TBL1X: variants seen among roughly 807,000 people sequenced by gnomAD.
TBL1X encodes F-box-like/WD repeat-containing protein TBL1X.
TBL1X carries 10 observed loss-of-function variants against 50.7 expected under a neutral mutation model. That is an observed-to-expected ratio of 0.20 (90% CI 0.12 to 0.33). The LOEUF (loss-of-function observed/expected upper bound fraction) is 0.33. Ranked by LOEUF, TBL1X falls within the 10% of genes least tolerant of loss-of-function variation. The probability of loss-of-function intolerance (pLI) is 1.00; values close to 1 mark genes in which losing one functional copy is unlikely to be tolerated. For synonymous variants in TBL1X, 190 were observed against 214.7 expected, an observed-to-expected ratio of 0.88 and a Z score of 1.01; for missense variants, 340 against 504.4, an observed-to-expected ratio of 0.67 and a Z score of 3.12.
intron 12 of TBL1X, among the ~76,000 whole-genome samples, chrX:9,697,919 A>G (rs1297761947): frequency 8.9e-6 from 1 of 111,923 alleles, no homozygotes; most frequent in East Asian, 2.8e-4. Flanking sequence ...CCCCGTTTCT[A>G]CAAAAAATAT....
intron 16 of TBL1X, 90 bp downstream of exon 16, chrX:9,711,866 G>A (rs1294572893): frequency 6.0e-5 from 60 of 1,005,888 alleles, no homozygotes; most frequent in Non-Finnish European, 7.1e-5. Flanking sequence ...GCAGTGCCCC[G>A]GAGGGAGTTG....
At chrX:9,632,041 C>G (rs1298150697) in intron 2 of TBL1X, among the ~76,000 whole-genome samples, 1 of 112,494 alleles carries the variant, frequency 8.9e-6, no homozygotes, top group Admixed American at 9.4e-5. Context: ...CCTTGCATAG[C>G]TTTTGACAAG....
intron 2 of TBL1X, among the ~76,000 whole-genome samples, chrX:9,583,122 T>C (rs955136877): frequency 8.9e-6 from 1 of 112,272 alleles, no homozygotes; most frequent in Non-Finnish European, 1.9e-5. Flanking sequence ...GTTGAGGAGG[T>C]CAGCAGGGTG....
chrX:9,539,492 A>T (rs1204835159), intron 2 of TBL1X, among the ~76,000 whole-genome samples: 3 of 109,593 alleles, frequency 2.7e-5, no homozygotes, highest in Non-Finnish European at 3.8e-5. Flanking sequence ...GATGATTCCT[A>T]CTCCCCTCTT....
chrX:9,702,063 C>G (rs188647711), intron 12 of TBL1X, among the ~76,000 whole-genome samples: 28 of 111,440 alleles, frequency 2.5e-4, no homozygotes, highest in Non-Finnish European at 3.6e-4. Context: ...TATTTGAAGA[C>G]CGAGGAAGAA....
intron 1 of TBL1X, among the ~76,000 whole-genome samples, chrX:9,471,011 A>G (rs1349012899): frequency 8.9e-6 from 1 of 112,583 alleles, no homozygotes; most frequent in Non-Finnish European, 1.9e-5. Context: ...TGTGAAATGT[A>G]TCAGAAGGTT....
At chrX:9,712,107 C>T (rs907543853) in intron 16 of TBL1X, among the ~76,000 whole-genome samples, 3 of 112,369 alleles carry the variant, frequency 2.7e-5, no homozygotes, top group South Asian at 3.7e-4. Context: ...GTCCATGGCA[C>T]GAAACCTTCC....
chrX:9,580,338 T>C, intron 2 of TBL1X, among the ~76,000 whole-genome samples: 1 of 112,354 alleles, frequency 8.9e-6, no homozygotes, highest in East Asian at 2.8e-4. Context: ...TCAATCAGTA[T>C]ATGTAGGATG....
At chrX:9,592,984 G>A (rs1006952368) in intron 2 of TBL1X, among the ~76,000 whole-genome samples, 6 of 111,682 alleles carry the variant, frequency 5.4e-5, no homozygotes, top group Non-Finnish European at 1.1e-4. Flanking sequence ...GAGTTTTCTT[G>A]TACATTGCTT....
intron 2 of TBL1X, chrX:9,636,374 A>G (rs776268979): frequency 9.0e-6 from 1 of 111,311 alleles, no homozygotes; most frequent in South Asian, 3.8e-4. Context: ...CCTGGGCAAC[A>G]TATCAAGACC....
intron 3 of TBL1X, among the ~76,000 whole-genome samples, chrX:9,643,752 T>C (rs1438167489): frequency 6.3e-5 from 7 of 111,385 alleles, no homozygotes; most frequent in Admixed American, 1.9e-4. Flanking sequence ...TCCCAACTGC[T>C]CAAGAGGTTG....
chrX:9,469,894 A>G (rs1335948909), intron 1 of TBL1X, among the ~76,000 whole-genome samples: 1 of 112,637 alleles, frequency 8.9e-6, no homozygotes, highest in Non-Finnish European at 1.9e-5. Context: ...CTCTTCCAGT[A>G]CCACCTTTGC....
intron 5 of TBL1X, among the ~76,000 whole-genome samples, chrX:9,667,533 C>T (rs1207983377): frequency 1.8e-5 from 2 of 111,689 alleles, no homozygotes; most frequent in African/African-American, 6.5e-5. Context: ...GATGGTCAAA[C>T]GAATTAAGAT....
chrX:9,631,000 A>G (rs2082718519), intron 2 of TBL1X, among the ~76,000 whole-genome samples: 2 of 91,027 alleles, frequency 2.2e-5, no homozygotes, highest in South Asian at 7.8e-4. Context: ...TATATGGATA[A>G]TATATATATA....
chrX:9,549,084 A>G (rs1223702505), intron 2 of TBL1X, among the ~76,000 whole-genome samples: 1 of 112,917 alleles, frequency 8.9e-6, no homozygotes, highest in Non-Finnish European at 1.9e-5. Context: ...CCTCCAAAGA[A>G]AGTGCATTGC....
intron 2 of TBL1X, among the ~76,000 whole-genome samples, chrX:9,530,608 TCCTCTC>T (rs1213103249): frequency 8.9e-6 from 1 of 112,218 alleles, no homozygotes; most frequent in Non-Finnish European, 1.9e-5. Context: ...GTTTCCTTTT[TCCTCTC>T]TACTTCCGCT....
chrX:9,554,591 A>G (rs779617209), intron 2 of TBL1X, among the ~76,000 whole-genome samples: 14 of 112,443 alleles, frequency 1.2e-4, no homozygotes, highest in Non-Finnish European at 2.6e-4. Flanking sequence ...CCCAGAGCAA[A>G]TGAAGAGTTT....
At chrX:9,689,402 C>T (rs2083083893) in intron 7 of TBL1X, among the ~76,000 whole-genome samples, 1 of 112,219 alleles carries the variant, frequency 8.9e-6, no homozygotes, top group African/African-American at 3.2e-5. Context: ...ATGGAAGGTT[C>T]ACAGATTGTT....
chrX:9,527,129 C>T (rs2082136716), intron 2 of TBL1X, among the ~76,000 whole-genome samples: 1 of 112,256 alleles, frequency 8.9e-6, no homozygotes, highest in African/African-American at 3.2e-5. Flanking sequence ...TGTCCACCCC[C>T]AAAGCCCTTT....
Sources: gnomAD v4.1 joint callset for allele counts (sites outside exome capture counted in the v4.1 genomes callset) on GRCh38, gnomAD v4.1.1 for gene constraint, MANE v1.5 for transcripts, NCBI Gene and HGNC (gene_info 2026-07-23, HGNC 2026-07-21) for gene names.